PPP3CC: variants seen among roughly 807,000 people sequenced by gnomAD.
PPP3CC encodes the protein serine/threonine-protein phosphatase 2B catalytic subunit gamma isoform.
A neutral mutation model predicts 60.3 loss-of-function variants in PPP3CC; 35 were observed. That is an observed-to-expected ratio of 0.58 (90% CI 0.44 to 0.77). The LOEUF (loss-of-function observed/expected upper bound fraction) is 0.77. Ranked by LOEUF, PPP3CC falls within the 30% of genes least tolerant of loss-of-function variation. The probability of loss-of-function intolerance (pLI) is 0.00; values close to 1 mark genes in which losing one functional copy is unlikely to be tolerated. For missense variants in PPP3CC, 570 were observed against 628.9 expected, an observed-to-expected ratio of 0.91 and a Z score of 1.00; for synonymous variants, 206 against 224.3, an observed-to-expected ratio of 0.92 and a Z score of 0.73.
Position 22,441,350 on chromosome 8 carries a change from G to T in PPP3CC, c.-60G>T. 2 of 1,492,620 alleles carry T rather than the reference G, an allele frequency of 1.3e-6. No individual in the cohort carries two copies. The highest frequency in any genetic ancestry group is 2.1e-5 in the Admixed American group (1 of 46,600). The allele number at this position is 1,492,620 out of a possible 1,614,324, so 92.5% of individuals were successfully genotyped here. Reference sequence around the variant, plus strand: ...TAAGGCTGCCCGAGGAGAAGGCGGCGGCCGCGGCGTAGGCGCACGTCCGGC... The same window carrying T: ...TAAGGCTGCCCGAGGAGAAGGCGGCTGCCGCGGCGTAGGCGCACGTCCGGC... On this transcript the variant is annotated 5_prime_UTR_variant, in exon 1 of 14. Transcript: ENST00000240139.
At chr8:22,529,090 G>A (rs1008611085) in intron 10 of PPP3CC, among the ~76,000 whole-genome samples, 1 of 152,130 alleles carries the variant, frequency 6.6e-6, no homozygotes, top group African/African-American at 2.4e-5. Flanking sequence ...CTCTCAATAA[G>A]CTTATTTGCT....
At chr8:22,497,966 A>T in intron 3 of PPP3CC, 35 bp from the exon 4 acceptor site, 1 of 1,455,788 alleles carries the variant, frequency 6.9e-7, no homozygotes, top group Non-Finnish European at 9.5e-7. Context: ...TATAATGGTC[A>T]CAAAGAAAAT....
intron 1 of PPP3CC, among the ~76,000 whole-genome samples, chr8:22,457,838 T>G (rs963253587): frequency 6.6e-6 from 1 of 152,234 alleles, no homozygotes; most frequent in Non-Finnish European, 1.5e-5. Context: ...ACGCCTGTAA[T>G]CCCAGCACTT....
intron 3 of PPP3CC, 24 bp downstream of exon 3, chr8:22,475,648 G>A: frequency 1.3e-6 from 2 of 1,596,148 alleles, no homozygotes; most frequent in Non-Finnish European, 1.7e-6. Context: ...TGGATATGTT[G>A]GGACTATTAT....
At chr8:22,477,807 C>T (rs1837939075) in intron 3 of PPP3CC, among the ~76,000 whole-genome samples, 1 of 151,540 alleles carries the variant, frequency 6.6e-6, no homozygotes, top group Non-Finnish European at 1.5e-5. Flanking sequence ...CCTGGCTAGT[C>T]ATTGTATTTA....
At chr8:22,508,296 AT>A (rs1472866498) in intron 4 of PPP3CC, among the ~76,000 whole-genome samples, 2 of 152,160 alleles carry the variant, frequency 1.3e-5, no homozygotes, top group Non-Finnish European at 2.9e-5. Context: ...AAATGTTATT[AT>A]ATAAAGATTA....
At chr8:22,480,823 C>T (rs1301217538) in intron 3 of PPP3CC, among the ~76,000 whole-genome samples, 1 of 152,164 alleles carries the variant, frequency 6.6e-6, no homozygotes, top group Non-Finnish European at 1.5e-5. Context: ...AGGCTGGTCA[C>T]AGTGGCTTAA....
chr8:22,516,799 G>T (rs558677469), intron 6 of PPP3CC, among the ~76,000 whole-genome samples: 1 of 152,174 alleles, frequency 6.6e-6, no homozygotes, highest in Non-Finnish European at 1.5e-5. Context: ...GTGCTGAAGT[G>T]CTGCTGTCTA....
At chr8:22,462,421 C>T (rs1837387906) in intron 1 of PPP3CC, among the ~76,000 whole-genome samples, 2 of 152,232 alleles carry the variant, frequency 1.3e-5, no homozygotes, top group South Asian at 2.1e-4. Flanking sequence ...TCTGATCATT[C>T]GTCCGCTAAA....
chr8:22,540,701 C>A lies in PPP3CC; in HGVS notation c.1438C>A (p.Arg480=). ...LDRINERMPP[R]KDSIHAGGPM... ...CCGAATTAATGAGCGAATGCCACCCCGAAAGGATAGCATACACGCTGGTGG... is the reference window on the plus strand; with the variant it reads ...CCGAATTAATGAGCGAATGCCACCCAGAAAGGATAGCATACACGCTGGTGG... The change falls in exon 14 of 14, where the codon CGA becomes AGA. Residue 480 remains arginine (R), a synonymous_variant. Coordinates refer to ENST00000240139, the MANE Select transcript of PPP3CC (RefSeq NM_005605.5). 6.2e-7 allele frequency: 1 copy of A among 1,614,082 alleles called. No individual in the cohort carries two copies. The highest frequency in any genetic ancestry group is 8.5e-7 in the Non-Finnish European group (1 of 1,179,988).
At chr8:22,535,710 A>G (rs973433314) in intron 12 of PPP3CC, among the ~76,000 whole-genome samples, 5 of 151,980 alleles carry the variant, frequency 3.3e-5, no homozygotes, top group Non-Finnish European at 7.4e-5. Flanking sequence ...TTTCATTGCT[A>G]TTGACTAACA....
chr8:22,450,693 G>C (rs1836986766), intron 1 of PPP3CC, among the ~76,000 whole-genome samples: 1 of 152,158 alleles, frequency 6.6e-6, no homozygotes, highest in South Asian at 2.1e-4. Context: ...CTGCCTGTGG[G>C]ATAAACTCTT....
chr8:22,522,841 T>A, intron 8 of PPP3CC, 92 bp downstream of exon 8: 1 of 943,344 alleles, frequency 1.1e-6, no homozygotes, highest in Non-Finnish European at 1.6e-6. Context: ...TGTGTCATTT[T>A]AAAACATAAA....
intron 1 of PPP3CC, among the ~76,000 whole-genome samples, chr8:22,469,644 G>A (rs1042838937): frequency 7.2e-5 from 11 of 152,014 alleles, no homozygotes; most frequent in Non-Finnish European, 1.2e-4. Context: ...CATACGAAGA[G>A]GCCACATGTG....
rs369815159 is a variant in PPP3CC, at chr8:22,452,812, G to A, written c.49+11354G>A. Among the ~76,000 whole-genome samples, 23 of 132,518 alleles carry A rather than the reference G, an allele frequency of 1.7e-4. 2 individuals are homozygous for A. The highest frequency in any genetic ancestry group is 5.0e-4 in the African/African-American group (20 of 39,864). The allele number at this position is 132,518 out of a possible 152,430, so 86.9% of individuals were successfully genotyped here. On this transcript the variant is annotated intron_variant, in intron 1 of 13. Transcript: ENST00000240139. ...TATGGTAGGTGCTGCTGCCGCCATC[G>A]CTATCATCATCATCATCATAAGAAT...
chr8:22,469,598 CTCTT>C (rs1837653810), intron 1 of PPP3CC, among the ~76,000 whole-genome samples: 1 of 152,108 alleles, frequency 6.6e-6, no homozygotes, highest in African/African-American at 2.4e-5. Context: ...TCCTGGCTCT[CTCTT>C]TGTCTTGGGA....
chr8:22,452,347 T>C (rs1421041880), intron 1 of PPP3CC, among the ~76,000 whole-genome samples: 2 of 152,176 alleles, frequency 1.3e-5, no homozygotes, highest in African/African-American at 4.8e-5. Flanking sequence ...CGTAGAATCT[T>C]GTCCCTCAGC....
At chr8:22,457,028 CCTCCCTT>C (rs1837218714) in intron 1 of PPP3CC, among the ~76,000 whole-genome samples, 1 of 94,652 alleles carries the variant, frequency 1.1e-5, no homozygotes, top group Non-Finnish European at 2.0e-5. Flanking sequence ...TTCCTCCCTT[CCTCCCTT>C]CCTCCCTCCC....
At chr8:22,446,408 CTG>C (rs1267581164) in intron 1 of PPP3CC, among the ~76,000 whole-genome samples, 3 of 152,046 alleles carry the variant, frequency 2.0e-5, no homozygotes, top group Non-Finnish European at 2.9e-5. Flanking sequence ...ACAAGGGACT[CTG>C]AGAGAAAAAT....
Sources: allele counts gnomAD v4.1 joint callset (sites outside exome capture counted in the v4.1 genomes callset), GRCh38; gene constraint gnomAD v4.1.1; transcripts MANE v1.5; gene names NCBI Gene and HGNC (gene_info 2026-07-23, HGNC 2026-07-21).